ANO1: variants seen among roughly 807,000 people sequenced by gnomAD.
ANO1 encodes the protein anoctamin-1.
ANO1 carries 59 observed loss-of-function variants against 124.0 expected under a neutral mutation model. The ratio of observed to expected loss-of-function variants is 0.48; its 90% confidence interval spans 0.39 to 0.59. The LOEUF (loss-of-function observed/expected upper bound fraction) is 0.59. Ranked by LOEUF, ANO1 falls within the 20% of genes least tolerant of loss-of-function variation. The pLI, the probability that ANO1 is intolerant of heterozygous loss-of-function variation, is 0.00. For missense variants in ANO1, 1,059 were observed against 1,328.0 expected, an observed-to-expected ratio of 0.80 and a Z score of 3.15; for synonymous variants, 529 against 532.0, an observed-to-expected ratio of 0.99 and a Z score of 0.08.
chr11:70,084,556 G>C (rs1050383287), intron 1 of ANO1, among the ~76,000 whole-genome samples: 14 of 152,136 alleles, frequency 9.2e-5, no homozygotes, highest in African/African-American at 3.1e-4. Flanking sequence ...AGAGTGTCCA[G>C]AGCCTCCCCC....
Position 70,078,594 on chromosome 11 carries a change from A to T in ANO1, c.-13A>T. On this transcript the variant is annotated 5_prime_UTR_variant, in exon 1 of 26. Coordinates refer to ENST00000355303, the MANE Select transcript of ANO1 (RefSeq NM_018043.7). ...GCGCGCCGCCCGGCGGTCCCAGCGC[A>T]CAGGCGGCCACGATGAGGGTCAACG... 1 of 1,464,970 alleles carries T rather than the reference A, an allele frequency of 6.8e-7. No individual in the cohort carries two copies. The highest frequency in any genetic ancestry group is 1.2e-5 in the South Asian group (1 of 82,774). The allele number at this position is 1,464,970 out of a possible 1,614,324, so 90.7% of individuals were successfully genotyped here. A position where few individuals can be genotyped will look rare whatever the true frequency, so the allele number is the denominator to read the frequency against.
intron 22 of ANO1, among the ~76,000 whole-genome samples, chr11:70,171,380 G>A: frequency 9.1e-6 from 1 of 110,064 alleles, no homozygotes; most frequent in African/African-American, 3.3e-5. Flanking sequence ...TGTAGCAATT[G>A]TGTGACCCCC....
intron 1 of ANO1, among the ~76,000 whole-genome samples, chr11:70,046,774 G>A (rs532231139): frequency 2.0e-4 from 31 of 152,086 alleles, no homozygotes; most frequent in Admixed American, 7.2e-4. Flanking sequence ...TGGGATCCTG[G>A]AAAGAAAAAG....
At chr11:69,970,999 T>C in the ANO1 span, among the ~76,000 whole-genome samples, 1 of 152,250 alleles carries the variant, frequency 6.6e-6, no homozygotes, top group Non-Finnish European at 1.5e-5. Context: ...CACACCTGGC[T>C]GCAGAGAACA....
chr11:70,163,501 G>A, intron 19 of ANO1, 161 bp downstream of exon 19: 2 of 829,546 alleles, frequency 2.4e-6, no homozygotes, highest in Non-Finnish European at 2.0e-6. Flanking sequence ...TGATGTGGTG[G>A]GGTGGGCTTT....
intron 1 of ANO1, among the ~76,000 whole-genome samples, chr11:70,059,936 G>A (rs1555007491): frequency 6.7e-6 from 1 of 149,558 alleles, no homozygotes; most frequent in Non-Finnish European, 1.5e-5. Context: ...ATTAGCGGGT[G>A]TGGAGGCGTT....
rs1482653844 is a variant in ANO1 at position 70,186,352 on chromosome 11, G to GAGGGAGGAAGGA, written c.2694+660_2694+661insGAGGAAGGAAGG. Among the ~76,000 whole-genome samples, 940 of 126,882 alleles carry GAGGGAGGAAGGA rather than the reference G, an allele frequency of 7.4e-3. 12 individuals carry two copies. The highest frequency in any genetic ancestry group is 0.019 in the African/African-American group (566 of 30,068). 83.2% of individuals were successfully genotyped at this position (126,882 alleles called of 152,430 possible). On this transcript the variant is annotated intron_variant, in intron 25 of 25. Transcript: ENST00000355303. ...GAGGAGGAGGACGAGGAGGGGGAGG[G>GAGGGAGGAAGGA]AGGAAGGAAGGAAGGAAGGAAGGAA...
At position 70,177,602 on chromosome 11, in the gene ANO1, T is replaced by TC. The variant is rs1243117174; in HGVS notation, c.2351-2402_2351-2401insC. 3.2e-4 allele frequency among the ~76,000 whole-genome samples: 44 copies of TC among 136,176 alleles called. No homozygotes were observed. In the South Asian group the frequency reaches 5.6e-3, roughly 17 times the overall value. 89.3% of individuals were successfully genotyped at this position (136,176 alleles called of 152,430 possible). On this transcript the variant is annotated intron_variant, in intron 22 of 25. Transcript: ENST00000355303. ...TCTTTTCTTTTTTTTTTCTTTTTTT[T>TC]TTTTTTTTTTTTTTTGAGACAGAGC...
intron 16 of ANO1, 113 bp from the exon 17 acceptor site, chr11:70,161,048 G>A (rs749669304): frequency 2.6e-5 from 27 of 1,019,636 alleles, no homozygotes; most frequent in Non-Finnish European, 3.6e-5. Flanking sequence ...TGCTTGTTTT[G>A]AAGCAGAAGA....
intron 15 of ANO1, 92 bp from the exon 16 acceptor site, chr11:70,156,855 C>A: frequency 9.0e-7 from 1 of 1,109,656 alleles, no homozygotes; most frequent in Non-Finnish European, 1.3e-6. Flanking sequence ...GTCCCTGGGC[C>A]CATGCACGCA....
At chr11:70,036,085 T>A (rs782263805) in intron 1 of ANO1, among the ~76,000 whole-genome samples, 21 of 152,204 alleles carry the variant, frequency 1.4e-4, no homozygotes, top group Non-Finnish European at 1.5e-4. Flanking sequence ...CACCATCAAC[T>A]GGGGGCCTTC....
At chr11:70,038,079 G>C (rs1555004613) in intron 1 of ANO1, among the ~76,000 whole-genome samples, 4 of 152,166 alleles carry the variant, frequency 2.6e-5, no homozygotes, top group Non-Finnish European at 5.9e-5. Context: ...GTGAGGAATG[G>C]AGAAGTTCTT....
At chr11:70,111,595 T>A (rs2045781926) in intron 6 of ANO1, 112 bp from the exon 7 acceptor site, 1 of 1,057,736 alleles carries the variant, frequency 9.5e-7, no homozygotes. Flanking sequence ...CAGGTTCGTT[T>A]CATTTTGAGA....
chr11:70,065,932 G>A (rs558939933), intron 1 of ANO1, among the ~76,000 whole-genome samples: 6 of 152,228 alleles, frequency 3.9e-5, no homozygotes, highest in Middle Eastern at 6.8e-3. Flanking sequence ...CTAGCCCGCC[G>A]TCCCCTCTTC....
chr11:70,012,893 C>T (rs550836379), intron 1 of ANO1, among the ~76,000 whole-genome samples: 30 of 152,310 alleles, frequency 2.0e-4, no homozygotes, highest in Admixed American at 9.8e-4. Flanking sequence ...GTGAGCAGGG[C>T]GGTCCCACTG....
intron 18 of ANO1, 120 bp downstream of exon 18, chr11:70,161,853 A>G: frequency 1.1e-6 from 1 of 934,566 alleles, no homozygotes; most frequent in South Asian, 1.5e-5. Context: ...TGGCACCCGC[A>G]GCCAAAGAGG....
At chr11:70,058,817 G>A (rs1424656566) in intron 1 of ANO1, among the ~76,000 whole-genome samples, 2 of 152,128 alleles carry the variant, frequency 1.3e-5, no homozygotes, top group Non-Finnish European at 2.9e-5. Flanking sequence ...GATTGAAGAC[G>A]GTAAGGGGTA....
At chr11:70,164,684 G>A (rs1232841692) in intron 19 of ANO1, among the ~76,000 whole-genome samples, 1 of 152,132 alleles carries the variant, frequency 6.6e-6, no homozygotes, top group Non-Finnish European at 1.5e-5. Context: ...GTTTCTGACT[G>A]TCACCTGCTT....
At chr11:70,072,860 C>A (rs1857907513) in intron 1 of ANO1, 1 of 152,310 alleles carries the variant, frequency 6.6e-6, no homozygotes, top group Non-Finnish European at 1.5e-5. Context: ...GGTCTTGGGA[C>A]CTCAAGTCAC....
Sources: allele counts gnomAD v4.1 joint callset (sites outside exome capture counted in the v4.1 genomes callset), GRCh38; gene constraint gnomAD v4.1.1; transcripts MANE v1.5; gene names NCBI Gene and HGNC (gene_info 2026-07-23, HGNC 2026-07-21).